KCNQ1: variants seen among roughly 807,000 people sequenced by gnomAD.
The protein encoded by KCNQ1 is potassium voltage-gated channel subfamily KQT member 1.
In KCNQ1, 49 loss-of-function variants were observed where a neutral mutation model predicts 72.4. That is an observed-to-expected ratio of 0.68 (90% CI 0.54 to 0.86). KCNQ1 has a LOEUF of 0.86. Among genes scored for constraint, KCNQ1 ranks in the 40% least tolerant of loss-of-function variants. The pLI, the probability that KCNQ1 is intolerant of heterozygous loss-of-function variation, is 0.00. For synonymous variants in KCNQ1, 450 were observed against 412.6 expected, an observed-to-expected ratio of 1.09 and a Z score of -1.10; for missense variants, 790 against 945.1, an observed-to-expected ratio of 0.84 and a Z score of 2.15.
intron 15 of KCNQ1, among the ~76,000 whole-genome samples, chr11:2,797,322 C>T (rs551822624): frequency 9.9e-5 from 15 of 152,218 alleles, no homozygotes; most frequent in Admixed American, 9.1e-4. Flanking sequence ...GCGGTCACAT[C>T]GCGAATGAGT....
At chr11:2,648,975 C>CTTTTTTTT (rs1849710100) in intron 10 of KCNQ1, 2 of 336,654 alleles carry the variant, frequency 5.9e-6, no homozygotes, top group African/African-American at 6.3e-5. Context: ...TCTCTTTTTT[C>CTTTTTTTT]TTTTTCTTTT....
chr11:2,544,828 C>T lies in KCNQ1; in HGVS notation c.477+16810C>T, dbSNP rs1015867503. Among the ~76,000 whole-genome samples, 13 of 152,092 alleles carry T rather than the reference C, an allele frequency of 8.5e-5. No individual in the cohort carries two copies. The highest frequency in any genetic ancestry group is 2.9e-4 in the African/African-American group (12 of 41,404). On this transcript the variant is annotated intron_variant, in intron 2 of 15. Transcript: ENST00000155840. This position sits in a 1 kb window ranked among gnomAD's most constrained non-coding sequence, Gnocchi z 4.4. Reference sequence around the variant, plus strand: ...CTTTTTCTGGCCTGATTGCACTGGGCGGCTCATCCACTGCAGTGTCCAATA... The same window carrying T: ...CTTTTTCTGGCCTGATTGCACTGGGTGGCTCATCCACTGCAGTGTCCAATA...
At chr11:2,552,177 A>C (rs1244503406) in intron 2 of KCNQ1, among the ~76,000 whole-genome samples, 1 of 152,078 alleles carries the variant, frequency 6.6e-6, no homozygotes, top group Non-Finnish European at 1.5e-5. Context: ...TATTCGCCTA[A>C]TCCAAGATTA....
intron 1 of KCNQ1, among the ~76,000 whole-genome samples, chr11:2,480,262 C>A (rs1009261902): frequency 5.3e-5 from 8 of 152,164 alleles, no homozygotes; most frequent in Admixed American, 5.2e-4. Flanking sequence ...ACTCCCAGTA[C>A]CAATTTACTG....
rs1847951262 is a variant in KCNQ1, at chr11:2,549,649, T to C, written c.478-20979T>C. The stretch of plus-strand genomic sequence containing the variant: ...GGGGTAGGGGCGTGGGGGGGCCTCC[T>C]CCTCCCAAGCACCTGGGGTGGGAAC... On this transcript the variant is annotated intron_variant, in intron 2 of 15. Transcript: ENST00000155840. This position sits in a 1 kb window ranked among gnomAD's most constrained non-coding sequence, Gnocchi z 6.2. Among the ~76,000 whole-genome samples the C allele has an allele frequency of 6.6e-6, 1 of 151,852 alleles. No individual in the cohort carries two copies. The highest frequency in any genetic ancestry group is 2.4e-5 in the African/African-American group (1 of 41,322).
intron 10 of KCNQ1, chr11:2,619,515 C>A (rs1391381500): frequency 2.5e-6 from 1 of 398,388 alleles, no homozygotes; most frequent in Non-Finnish European, 4.4e-6. Flanking sequence ...GAAATTAATT[C>A]CACATAGACA....
chr11:2,791,757 C>T (rs569919979), intron 15 of KCNQ1, among the ~76,000 whole-genome samples: 3 of 149,992 alleles, frequency 2.0e-5, no homozygotes, highest in Non-Finnish European at 4.5e-5. Context: ...TCAGAGGTGG[C>T]GCTGGCGGCA....
Position 2,566,011 on chromosome 11 carries a change from A to T in KCNQ1, c.478-4617A>T, listed in dbSNP as rs1456520093. Among the ~76,000 whole-genome samples, 1 of 151,768 alleles carries T rather than the reference A, an allele frequency of 6.6e-6. No individual in the cohort carries two copies. ...CTTCCCGGCTGCCCACTAGATGACC[A>T]CCAAGGCAGGGCGGCTGGTGGTGCT... On this transcript the variant is annotated intron_variant, in intron 2 of 15. Transcript: ENST00000155840. The surrounding 1 kb of genome is among the most constrained non-coding windows in gnomAD (Gnocchi z 6.7).
intron 2 of KCNQ1, among the ~76,000 whole-genome samples, chr11:2,531,109 C>T (rs1303950558): frequency 6.6e-6 from 1 of 152,214 alleles, no homozygotes; most frequent in Non-Finnish European, 1.5e-5. Context: ...ATCTCCCAGG[C>T]AGCTGGGAGG....
rs1849920525 is a variant in KCNQ1 at position 2,659,900 on chromosome 11, T to C, written c.1394-2061T>C. Reference sequence around the variant, plus strand: ...TTTTAAAATTGGATTGTTCACTTTATTGTCAAGTTGTAAGCATTCTTTATA... The same window carrying C: ...TTTTAAAATTGGATTGTTCACTTTACTGTCAAGTTGTAAGCATTCTTTATA... On this transcript the variant is annotated intron_variant, in intron 10 of 15. Transcript: ENST00000155840. This position sits in a 1 kb window ranked among gnomAD's most constrained non-coding sequence, Gnocchi z 4.3. 2 of 398,376 alleles carry C rather than the reference T, an allele frequency of 5.0e-6. No homozygotes were observed. Among genetic ancestry groups the C allele is most frequent in the Non-Finnish European group, 8.8e-6 (2 of 226,000 alleles). 24.7% of individuals were successfully genotyped at this position (398,376 alleles called of 1,614,324 possible).
intron 10 of KCNQ1, among the ~76,000 whole-genome samples, chr11:2,597,871 G>A (rs1848753576): frequency 6.6e-6 from 1 of 152,144 alleles, no homozygotes; most frequent in African/African-American, 2.4e-5. Context: ...CCACTTGGTA[G>A]CAACTGATTT....
rs1846939025 is a variant in KCNQ1 at position 2,497,311 on chromosome 11, G to T, written c.387-30617G>T. On this transcript the variant is annotated intron_variant, in intron 1 of 15. Coordinates refer to ENST00000155840, the MANE Select transcript of KCNQ1 (RefSeq NM_000218.3). This position sits in a 1 kb window ranked among gnomAD's most constrained non-coding sequence, Gnocchi z 4.5. ...TCACTTTCAGGTACAGCAATCAATT[G>T]TAGGTTTGGTCTTTTCATATAGTCC... 6.6e-6 allele frequency among the ~76,000 whole-genome samples: 1 copy of T among 152,148 alleles called. No homozygotes were observed. Among genetic ancestry groups the T allele is most frequent in the Non-Finnish European group, 1.5e-5 (1 of 68,036 alleles).
In KCNQ1 at chr11:2,640,898, G is replaced by GCC. The variant is rs199895634; in HGVS notation, c.1394-21062_1394-21061insCC. On this transcript the variant is annotated intron_variant, in intron 10 of 15. Transcript: ENST00000155840. ...TACCTCCATGAGATCAACTTTTATA[G>GCC]CTCCCACATATGATAATAACATAAG... The GCC allele has an allele frequency of 2.5e-3, 986 of 399,304 alleles. 4 individuals are homozygous for GCC. Among genetic ancestry groups the GCC allele is most frequent in the African/African-American group, 0.018 (877 of 48,654 alleles). 24.7% of individuals were successfully genotyped at this position (399,304 alleles called of 1,614,324 possible).
intron 2 of KCNQ1, among the ~76,000 whole-genome samples, chr11:2,535,971 G>A (rs1453207709): frequency 1.3e-5 from 2 of 152,214 alleles, no homozygotes; most frequent in African/African-American, 4.8e-5. Context: ...CAGTCTCAGA[G>A]CCTGAGGCCC....
intron 10 of KCNQ1, chr11:2,640,308 G>T: frequency 2.5e-6 from 1 of 398,274 alleles, no homozygotes; most frequent in Non-Finnish European, 4.4e-6. Flanking sequence ...CTCACGCTGG[G>T]AGCTATAGAC....
intron 15 of KCNQ1, among the ~76,000 whole-genome samples, chr11:2,812,198 C>T: frequency 6.6e-6 from 1 of 152,202 alleles, no homozygotes. Context: ...ACAGAAACAC[C>T]CCTGAAACTT....
chr11:2,528,590 G>A lies in KCNQ1; in HGVS notation c.477+572G>A, dbSNP rs117028865. ...CGTGAGGCTGCCTGGAAGGTGGGGT[G>A]CAGGGGGCCAGCTGTGTCTGGAGCC... On this transcript the variant is annotated intron_variant, in intron 2 of 15. Coordinates refer to ENST00000155840, the MANE Select transcript of KCNQ1 (RefSeq NM_000218.3). 3.4e-4 allele frequency among the ~76,000 whole-genome samples: 52 copies of A among 152,366 alleles called. 1 individual carries two copies. In the East Asian group the frequency reaches 9.8e-3, roughly 29 times the overall value.
chr11:2,615,878 T>C (rs550684495), intron 10 of KCNQ1: 27 of 398,078 alleles, frequency 6.8e-5, no homozygotes, highest in Non-Finnish European at 8.4e-5. Flanking sequence ...ACTGGCCTCA[T>C]AGAATGTATT....
At chr11:2,742,930 G>A (rs1456969351) in intron 11 of KCNQ1, among the ~76,000 whole-genome samples, 1 of 152,232 alleles carries the variant, frequency 6.6e-6, no homozygotes, top group Non-Finnish European at 1.5e-5. Context: ...TGGACCGAGA[G>A]GCCACGTGGG....
Sources: allele counts gnomAD v4.1 joint callset (sites outside exome capture counted in the v4.1 genomes callset), GRCh38; gene constraint gnomAD v4.1.1; non-coding constraint Gnocchi (gnomAD v3.1); transcripts MANE v1.5; gene names NCBI Gene and HGNC (gene_info 2026-07-23, HGNC 2026-07-21).